The following HHAT variants were observed in gnomAD, a reference collection of about 807,000 sequenced individuals.
The protein encoded by HHAT is protein-cysteine N-palmitoyltransferase HHAT.
Under a neutral mutation model 70.8 loss-of-function variants are expected in HHAT, and 47 were observed. The ratio of observed to expected loss-of-function variants is 0.66; its 90% CI spans 0.53 to 0.85. The LOEUF (loss-of-function observed/expected upper bound fraction) is 0.85. HHAT is among the 40% of genes least tolerant of loss of function. The pLI is 0.00. For synonymous variants in HHAT, 228 were observed against 247.6 expected (o/e 0.92, Z 0.74); for missense variants, 609 against 604.8 (o/e 1.01, Z -0.07).
intron 9 of HHAT, among the ~76,000 whole-genome samples, chr1:210,565,412 G>T (rs1259956480): frequency 6.6e-6 from 1 of 152,226 alleles, no homozygotes; most frequent in Non-Finnish European, 1.5e-5. Flanking sequence ...GTGTTGCACA[G>T]TATCAGCATG....
intron 4 of HHAT, among the ~76,000 whole-genome samples, chr1:210,394,642 C>T (rs529566576): frequency 6.6e-6 from 1 of 152,226 alleles, no homozygotes; most frequent in South Asian, 2.1e-4. Flanking sequence ...GACGGGAGAA[C>T]CCACATCATT....
In HHAT at chr1:210,329,072, G is replaced by C. The variant is rs757118759; in HGVS notation, c.-76G>C. ...TTGGGAACTCGCGGCGCGCGTGAAC[G>C]TTGCCGTCGCCGCCGCCCGGGACAG... On this transcript the variant is annotated 5_prime_UTR_variant, in exon 1 of 12. Coordinates refer to ENST00000261458, the MANE Select transcript of HHAT (RefSeq NM_018194.6). 282 of 1,428,806 alleles carry C rather than the reference G, an allele frequency of 2.0e-4. 1 individual carries two copies. The highest frequency in any genetic ancestry group is 1.9e-3 in the South Asian group (129 of 69,504). 88.5% of individuals were successfully genotyped at this position (1,428,806 alleles called of 1,614,324 possible).
At chr1:210,407,267 G>C (rs753971584) in intron 6 of HHAT, among the ~76,000 whole-genome samples, 23 of 152,222 alleles carry the variant, frequency 1.5e-4, no homozygotes, top group Admixed American at 3.9e-4. Flanking sequence ...GATTTGCTCT[G>C]AATGAATGCT....
In HHAT at chr1:210,362,934, C is replaced by T; in HGVS notation, c.159+15C>T. Reference sequence around the variant, plus strand: ...GATTAAAGAAGGTACAAAGTGGATGCATAATAAATCTCAGTTTTCAAACCT... The same window carrying T: ...GATTAAAGAAGGTACAAAGTGGATGTATAATAAATCTCAGTTTTCAAACCT... On this transcript the variant is annotated intron_variant, in intron 3 of 11. Transcript: ENST00000261458. 1.3e-6 allele frequency: 2 copies of T among 1,568,772 alleles called. No individual in the cohort carries two copies. Among genetic ancestry groups the T allele is most frequent in the Non-Finnish European group, 1.8e-6 (2 of 1,138,950 alleles).
upstream of HHAT, chr1:210,328,218 CTGAGA>C (rs1203720558): frequency 2.0e-5 from 3 of 152,250 alleles, no homozygotes; most frequent in East Asian, 5.8e-4. Flanking sequence ...CGTGATTCTG[CTGAGA>C]TAAGTCTGGA....
chr1:210,336,487 C>CT (rs1453493727), intron 1 of HHAT, among the ~76,000 whole-genome samples: 1 of 151,904 alleles, frequency 6.6e-6, no homozygotes, highest in Non-Finnish European at 1.5e-5. Context: ...CTTTCCACTT[C>CT]TTGAAAGCCC....
At chr1:210,499,283 C>A (rs1275663206) in intron 8 of HHAT, among the ~76,000 whole-genome samples, 1 of 152,132 alleles carries the variant, frequency 6.6e-6, no homozygotes, top group African/African-American at 2.4e-5. Context: ...ATTGACAGTT[C>A]ACAAATTGTG....
At chr1:210,379,400 T>C (rs911624128) in intron 3 of HHAT, among the ~76,000 whole-genome samples, 1 of 152,256 alleles carries the variant, frequency 6.6e-6, no homozygotes, top group Non-Finnish European at 1.5e-5. Flanking sequence ...TAGGAAGTCA[T>C]GCTAGAGAGG....
At chr1:210,515,732 TG>T (rs2148590415) in intron 9 of HHAT, among the ~76,000 whole-genome samples, 1 of 121,246 alleles carries the variant, frequency 8.2e-6, no homozygotes, top group South Asian at 2.7e-4. Flanking sequence ...CACTCCAGCC[TG>T]GGCGATACAG....
At chr1:210,599,025 A>C (rs183604752) in intron 10 of HHAT, among the ~76,000 whole-genome samples, 60 of 152,244 alleles carry the variant, frequency 3.9e-4, no homozygotes, top group African/African-American at 1.4e-3. Context: ...TCACGCAAAT[A>C]CTTGTCAGAG....
At chr1:210,541,092 C>T (rs12136151) in intron 9 of HHAT, among the ~76,000 whole-genome samples, 28,634 of 152,138 alleles carry the variant, frequency 0.19, 3,295 homozygotes, top group Middle Eastern at 0.29. Context: ...ACGCCTGCCT[C>T]GGCCTCTCAA....
At chr1:210,628,342 A>G (rs12724530) in intron 11 of HHAT, among the ~76,000 whole-genome samples, 22,669 of 152,006 alleles carry the variant, frequency 0.15, 1,872 homozygotes, top group Middle Eastern at 0.25. Flanking sequence ...AAAAAAAAGG[A>G]AAACCAAAAC....
intron 7 of HHAT, among the ~76,000 whole-genome samples, chr1:210,424,219 T>G (rs1434766651): frequency 2.6e-5 from 4 of 152,202 alleles, no homozygotes; most frequent in African/African-American, 9.6e-5. Context: ...CGTATTTCTT[T>G]CGTCAGCGTT....
At chr1:210,626,177 C>A (rs1669794698) in intron 11 of HHAT, among the ~76,000 whole-genome samples, 1 of 152,070 alleles carries the variant, frequency 6.6e-6, no homozygotes, top group Non-Finnish European at 1.5e-5. Flanking sequence ...GTGGGAGAAA[C>A]CCCAGGGAAT....
chr1:210,614,605 C>G (rs1057089991), intron 10 of HHAT, among the ~76,000 whole-genome samples: 1 of 152,130 alleles, frequency 6.6e-6, no homozygotes, highest in African/African-American at 2.4e-5. Context: ...TGTTCCCTTT[C>G]CTGTGTCCAA....
At chr1:210,665,652 G>A (rs34245695) in intron 11 of HHAT, among the ~76,000 whole-genome samples, 7,107 of 152,278 alleles carry the variant, frequency 0.047, 247 homozygotes, top group Non-Finnish European at 0.072. Context: ...TAGATAAATC[G>A]TGGATAATGG....
intron 8 of HHAT, among the ~76,000 whole-genome samples, chr1:210,492,218 G>A (rs2094563498): frequency 6.6e-6 from 1 of 152,080 alleles, no homozygotes; most frequent in Admixed American, 6.6e-5. Context: ...ACTCTGAACA[G>A]CCTACCAGAT....
At chr1:210,524,351 A>T (rs2095213301) in intron 9 of HHAT, among the ~76,000 whole-genome samples, 1 of 152,166 alleles carries the variant, frequency 6.6e-6, no homozygotes. Context: ...CCGTGTTTGA[A>T]GGGCTGGGCA....
chr1:210,557,461 G>A (rs914346845), intron 9 of HHAT, among the ~76,000 whole-genome samples: 1 of 152,094 alleles, frequency 6.6e-6, no homozygotes, highest in African/African-American at 2.4e-5. Flanking sequence ...TCCTGTTTGG[G>A]TGGTGAATCA....
Sources: allele counts gnomAD v4.1 joint callset (sites outside exome capture counted in the v4.1 genomes callset), GRCh38; gene constraint gnomAD v4.1.1; transcripts MANE v1.5; gene names NCBI Gene and HGNC (gene_info 2026-07-23, HGNC 2026-07-21).